Variants in PLXDC1 observed in about 807,000 individuals in gnomAD.
The protein encoded by PLXDC1 is plexin domain-containing protein 1.
PLXDC1 carries 39 observed loss-of-function variants against 61.3 expected under a neutral mutation model. The ratio of observed to expected loss-of-function variants is 0.64; its 90% CI spans 0.49 to 0.83. PLXDC1 has a LOEUF of 0.83. Ranked by LOEUF, PLXDC1 falls within the 40% of genes least tolerant of loss-of-function variation. PLXDC1 has a pLI of 0.00. For missense variants in PLXDC1, 596 were observed against 666.5 expected (o/e 0.89, Z 1.17); for synonymous variants, 212 against 254.5 (o/e 0.83, Z 1.59).
chr17:39,145,287 G>A (rs1912060223), intron 1 of PLXDC1, among the ~76,000 whole-genome samples: 1 of 152,172 alleles, frequency 6.6e-6, no homozygotes, highest in African/African-American at 2.4e-5. Flanking sequence ...CCCAGCAGTA[G>A]CGTCCCAGTC....
At chr17:39,096,814 G>A in intron 7 of PLXDC1, 1 of 422,734 alleles carries the variant, frequency 2.4e-6, no homozygotes, top group Admixed American at 2.8e-5. Flanking sequence ...AGTTTCTTAA[G>A]CAAATGAACA....
At chr17:39,128,019 G>C (rs1227336007) in intron 2 of PLXDC1, among the ~76,000 whole-genome samples, 2 of 131,786 alleles carry the variant, frequency 1.5e-5, no homozygotes, top group African/African-American at 5.7e-5. Context: ...CTACAATGAA[G>C]TACCACTTCA....
Position 39,083,502 on chromosome 17 carries a change from A to G in PLXDC1, c.946T>C (p.Ser316Pro), listed in dbSNP as rs751466198. The G allele has an allele frequency of 3.7e-6, 6 of 1,613,704 alleles. No homozygotes were observed. The highest frequency in any genetic ancestry group is 1.3e-5 in the African/African-American group (1 of 74,944). ...QHRSCDACMSSDLTFNCSWCH... is the reference protein window; with the variant it reads ...QHRSCDACMSPDLTFNCSWCH... ...CAGCTGCAGTTGAAGGTCAGGTCTG[A>G]GGACATGCAGGCGTCACAGCTCCTA... The change falls in exon 9 of 14, where the codon TCA becomes CCA. Residue 316 changes from serine (S) to proline (P), a missense_variant. Coordinates refer to ENST00000315392, the MANE Select transcript of PLXDC1 (RefSeq NM_020405.5).
intron 2 of PLXDC1, among the ~76,000 whole-genome samples, chr17:39,128,557 G>A (rs1287490408): frequency 1.3e-5 from 2 of 151,920 alleles, no homozygotes; most frequent in Non-Finnish European, 2.9e-5. Context: ...ACAAGTGTTG[G>A]CGAGGATGTA....
intron 1 of PLXDC1, among the ~76,000 whole-genome samples, chr17:39,145,309 C>T (rs2045333230): frequency 6.6e-6 from 1 of 152,182 alleles, no homozygotes; most frequent in Non-Finnish European, 1.5e-5. Flanking sequence ...CCTCAGCTGG[C>T]ACTGGTCCCA....
intron 6 of PLXDC1, among the ~76,000 whole-genome samples, chr17:39,106,625 CTTCTTTT>C (rs1220342947): frequency 1.1e-3 from 162 of 150,404 alleles, no homozygotes; most frequent in African/African-American, 3.9e-3. Context: ...ATCATGCTGC[CTTCTTTT>C]TTCTTTTTTC....
Position 39,105,909 on chromosome 17 carries a change from G to A in PLXDC1, c.756C>T (p.Val252=), listed in dbSNP as rs146860920. The change falls in exon 7 of 14, where the codon GTC becomes GTT. Residue 252 remains valine, a synonymous_variant. Coordinates refer to ENST00000315392, the MANE Select transcript of PLXDC1 (RefSeq NM_020405.5). ...TGAAGGCATCCGATAGGCCGGTTTT[G>A]ACAGGATGCTGGGAGGAGCTGATTT... The part of the protein sequence containing the change: ...VPEISSSQHP[V]KTGLSDAFMI... 2,615 of 1,614,024 alleles carry A rather than the reference G, an allele frequency of 1.6e-3. 11 individuals are homozygous for A. The highest frequency in any genetic ancestry group is 1.6e-3 in the Non-Finnish European group (1,882 of 1,179,920).
Position 39,108,214 on chromosome 17 carries a change from C to G in PLXDC1, c.501G>C (p.Arg167=). 6.2e-7 allele frequency: 1 copy of G among 1,614,100 alleles called. No homozygotes were observed. The highest frequency in any genetic ancestry group is 8.5e-7 in the Non-Finnish European group (1 of 1,179,990). The change falls in exon 5 of 14, where the codon CGG becomes CGC. Residue 167 remains arginine (R), a synonymous_variant. Coordinates refer to ENST00000315392, the MANE Select transcript of PLXDC1 (RefSeq NM_020405.5). The part of the protein sequence containing the change: ...GFIFMGDVIH[R]MLTATQYVAP... ...CCACATACTGAGTAGCTGTGAGCAT[C>G]CGATGGATCACGTCCCCCATGAAGA...
chr17:39,091,841 C>G (rs111475710), intron 7 of PLXDC1, among the ~76,000 whole-genome samples: 26,024 of 151,352 alleles, frequency 0.17, 2,551 homozygotes, highest in East Asian at 0.36. Flanking sequence ...CACCTGTAAT[C>G]CCAGCTACTT....
chr17:39,087,609 G>A lies in PLXDC1; in HGVS notation c.905C>T (p.Pro302Leu), dbSNP rs986701456. The change falls in exon 8 of 14, where the codon CCG becomes CTG. Residue 302 changes from proline (P) to leucine (L), a missense_variant and splice_region_variant. Physicochemically the swap from Pro to Leu is moderately conservative, Grantham distance 98 (BLOSUM62 -3). Coordinates refer to ENST00000315392, the MANE Select transcript of PLXDC1 (RefSeq NM_020405.5). Reference protein sequence around the residue: ...SMSAVEFTPLPTCLQHRSCDA... With the variant: ...SMSAVEFTPLLTCLQHRSCDA... ...ATGGCGGAATGACCCCTACTCACTC[G>A]GCAATGGGGTGAACTCCACGGCCGA... is the stretch of plus-strand genomic sequence containing the variant. 22 of 1,611,766 alleles carry A rather than the reference G, an allele frequency of 1.4e-5. No homozygotes were observed. Among genetic ancestry groups the A allele is most frequent in the African/African-American group, 2.7e-5 (2 of 74,890 alleles).
intron 7 of PLXDC1, among the ~76,000 whole-genome samples, chr17:39,102,257 G>C (rs1304885284): frequency 6.6e-6 from 1 of 152,152 alleles, no homozygotes; most frequent in Non-Finnish European, 1.5e-5. Context: ...CCTTGAGGTA[G>C]CTCGAGGCAA....
intron 1 of PLXDC1, among the ~76,000 whole-genome samples, chr17:39,144,332 A>G (rs895988393): frequency 6.6e-6 from 1 of 152,196 alleles, no homozygotes; most frequent in African/African-American, 2.4e-5. Flanking sequence ...AGAAACACAA[A>G]TGAGGTTTTA....
In PLXDC1 at chr17:39,077,932, G is replaced by A. The variant is rs768539755; in HGVS notation, c.1167C>T (p.Ile389=). 1.1e-5 allele frequency: 18 copies of A among 1,613,998 alleles called. No homozygotes were observed. Among genetic ancestry groups the A allele is most frequent in the East Asian group, 2.2e-5 (1 of 44,898 alleles). The part of the protein sequence containing the change: ...DLTTTSSSLF[I]DSLTTEDDTK... Reference sequence around the variant, plus strand: ...ACTTACCTTCTGTGGTGAGGCTGTCGATGAAGAGGGAGGAGGAGGTAGTGG... The same window carrying A: ...ACTTACCTTCTGTGGTGAGGCTGTCAATGAAGAGGGAGGAGGAGGTAGTGG... The change falls in exon 11 of 14, where the codon ATC becomes ATT. Residue 389 remains isoleucine, a synonymous_variant. Transcript: ENST00000315392.
At chr17:39,148,779 G>A (rs1270165006) in intron 1 of PLXDC1, among the ~76,000 whole-genome samples, 1 of 151,980 alleles carries the variant, frequency 6.6e-6, no homozygotes, top group African/African-American at 2.4e-5. Flanking sequence ...GCCCAGGCTG[G>A]TCTCAAACTC....
intron 1 of PLXDC1, among the ~76,000 whole-genome samples, chr17:39,141,868 T>C (rs975252279): frequency 3.9e-5 from 6 of 152,212 alleles, no homozygotes; most frequent in Non-Finnish European, 8.8e-5. Flanking sequence ...TATGAGGTTA[T>C]ATCTCATCGT....
At chr17:39,072,255 T>A in intron 12 of PLXDC1, 195 bp downstream of exon 12, 2 of 610,832 alleles carry the variant, frequency 3.3e-6, no homozygotes, top group Non-Finnish European at 5.9e-6. Context: ...AGGGTAGACA[T>A]GTTCCTTCGA....
rs1032657125 is a variant in PLXDC1, at chr17:39,063,470, T to A, written c.*4370A>T. The A allele has an allele frequency of 7.1e-6, 5 of 702,860 alleles. No homozygotes were observed. In the African/African-American group the frequency reaches 8.7e-5, roughly 12 times the overall value. 43.5% of individuals were successfully genotyped at this position (702,860 alleles called of 1,614,324 possible). The stretch of plus-strand genomic sequence containing the variant: ...AGGAGGTTGAGGAAAGCACCTCTGA[T>A]GAGCAGATAGCTGGAGGCTGTTCCC... On this transcript the variant is annotated 3_prime_UTR_variant, in exon 14 of 14. Coordinates refer to ENST00000315392, the MANE Select transcript of PLXDC1 (RefSeq NM_020405.5).
chr17:39,151,324 G>A lies in PLXDC1; in HGVS notation c.76+38C>T. On this transcript the variant is annotated intron_variant, in intron 1 of 13. Transcript: ENST00000315392. This position sits in a 1 kb window ranked among gnomAD's most constrained non-coding sequence, Gnocchi z 5.2. ...CACACCTGACTGCCCGTCCCTCCCCGCCCCCGGCCCACCCGGGCCGGCTCC... is the reference window on the plus strand; with the variant it reads ...CACACCTGACTGCCCGTCCCTCCCCACCCCCGGCCCACCCGGGCCGGCTCC... 8.0e-7 allele frequency: 1 copy of A among 1,255,554 alleles called. No individual in the cohort carries two copies. Among genetic ancestry groups the A allele is most frequent in the Non-Finnish European group, 1.0e-6 (1 of 997,336 alleles). The allele number at this position is 1,255,554 out of a possible 1,614,324, so 77.8% of individuals were successfully genotyped here. A position where few individuals can be genotyped will look rare whatever the true frequency, so the allele number is the denominator to read the frequency against.
upstream of PLXDC1, chr17:39,152,607 T>A: frequency 8.0e-7 from 1 of 1,250,304 alleles, no homozygotes; most frequent in Non-Finnish European, 1.0e-6. Flanking sequence ...TGAGGGGGCA[T>A]CCTGGCTTCT....
Sources: gnomAD v4.1 joint callset for allele counts (sites outside exome capture counted in the v4.1 genomes callset) on GRCh38, gnomAD v4.1.1 for gene constraint, Gnocchi (gnomAD v3.1) non-coding constraint, MANE v1.5 for transcripts, NCBI Gene and HGNC (gene_info 2026-07-23, HGNC 2026-07-21) for gene names.